Variants in CRYL1 observed in about 807,000 individuals in gnomAD.
CRYL1 encodes crystallin lambda 1, also known as lambda-crystallin homolog.
In CRYL1, 29 loss-of-function variants were observed where a neutral mutation model predicts 36.6. That is an observed-to-expected ratio of 0.79 (90% confidence interval 0.59 to 1.08). CRYL1 has a LOEUF of 1.08. CRYL1 is among the 50% of genes least tolerant of loss of function. The pLI is 0.00. For missense variants in CRYL1, 411 were observed against 407.9 expected (o/e 1.01, Z -0.06); for synonymous variants, 152 against 151.5 (o/e 1.00, Z -0.02).
At chr13:20,494,592 G>C (rs1337291697) in intron 2 of CRYL1, among the ~76,000 whole-genome samples, 3 of 152,196 alleles carry the variant, frequency 2.0e-5, no homozygotes, top group Non-Finnish European at 4.4e-5. Flanking sequence ...CAAAGCACCT[G>C]CTCCAAGCCT....
At chr13:20,442,771 T>C (rs2032375814) in intron 3 of CRYL1, among the ~76,000 whole-genome samples, 1 of 152,240 alleles carries the variant, frequency 6.6e-6, no homozygotes, top group Non-Finnish European at 1.5e-5. Flanking sequence ...GCACTGACTT[T>C]TGTTTGTTTG....
intron 4 of CRYL1, among the ~76,000 whole-genome samples, 174 bp downstream of exon 4, chr13:20,439,419 A>G (rs1395830522): frequency 6.6e-6 from 1 of 151,598 alleles, no homozygotes; most frequent in Non-Finnish European, 1.5e-5. Flanking sequence ...GAACTGCACA[A>G]TTTGAACTGG....
At chr13:20,456,061 C>T (rs1363499042) in intron 3 of CRYL1, among the ~76,000 whole-genome samples, 1 of 152,104 alleles carries the variant, frequency 6.6e-6, no homozygotes, top group African/African-American at 2.4e-5. Context: ...TTAGTATATA[C>T]CTTATATTTT....
chr13:20,457,743 A>C (rs979079642), intron 3 of CRYL1, among the ~76,000 whole-genome samples: 16 of 152,230 alleles, frequency 1.1e-4, no homozygotes, highest in Non-Finnish European at 2.1e-4. Flanking sequence ...AAGGACCAAA[A>C]GCTGTGGCCC....
chr13:20,446,863 G>C (rs1287085241), intron 3 of CRYL1, among the ~76,000 whole-genome samples: 1 of 152,188 alleles, frequency 6.6e-6, no homozygotes, highest in Non-Finnish European at 1.5e-5. Flanking sequence ...TAGTGCTTCA[G>C]AGACACTTCA....
At chr13:20,462,781 AAC>A (rs2032857126) in intron 3 of CRYL1, among the ~76,000 whole-genome samples, 1 of 151,784 alleles carries the variant, frequency 6.6e-6, no homozygotes, top group Non-Finnish European at 1.5e-5. Flanking sequence ...TACCTGCAGG[AAC>A]GGTACCATCC....
chr13:20,480,222 A>G (rs1026809074), intron 3 of CRYL1, among the ~76,000 whole-genome samples: 1 of 152,090 alleles, frequency 6.6e-6, no homozygotes, highest in Admixed American at 6.5e-5. Flanking sequence ...CTCTACTAAA[A>G]ATATAAAAAT....
rs550675275 is a variant in CRYL1 at position 20,481,869 on chromosome 13, C to T, written c.276+7501G>A. On this transcript the variant is annotated intron_variant, in intron 3 of 7. Transcript: ENST00000298248. This position sits in a 1 kb window ranked among gnomAD's most constrained non-coding sequence, Gnocchi z 4.1. ...GAGGTTGCAGTGAATCAAGATCGCA[C>T]CACTGCACTCCAGCCTGGGTGACAA... 3.3e-5 allele frequency among the ~76,000 whole-genome samples: 5 copies of T among 152,240 alleles called. No homozygotes were observed. The highest frequency in any genetic ancestry group is 1.2e-4 in the African/African-American group (5 of 41,540).
chr13:20,454,487 G>A lies in CRYL1; in HGVS notation c.277-14733C>T, dbSNP rs189611806. On this transcript the variant is annotated intron_variant, in intron 3 of 7. Transcript: ENST00000298248. ...GGCTGGAGTGCAGTGGTGCGATCTCGGCTCACTGCAAGCTCCGCCTCTGAA... is the reference window on the plus strand; with the variant it reads ...GGCTGGAGTGCAGTGGTGCGATCTCAGCTCACTGCAAGCTCCGCCTCTGAA... Among the ~76,000 whole-genome samples, 22 of 148,308 alleles carry A rather than the reference G, an allele frequency of 1.5e-4. No individual in the cohort carries two copies. In the East Asian group the frequency reaches 4.3e-3, roughly 29 times the overall value.
At chr13:20,498,366 T>C (rs2137486787) in intron 2 of CRYL1, among the ~76,000 whole-genome samples, 1 of 104,098 alleles carries the variant, frequency 9.6e-6, no homozygotes, top group African/African-American at 3.5e-5. Context: ...ACACACCACT[T>C]ACACACACTA....
At chr13:20,461,189 T>C (rs1448681974) in intron 3 of CRYL1, among the ~76,000 whole-genome samples, 4 of 152,246 alleles carry the variant, frequency 2.6e-5, no homozygotes, top group Admixed American at 2.6e-4. Flanking sequence ...GCATTTGTCT[T>C]TTTCTTACTG....
intron 3 of CRYL1, among the ~76,000 whole-genome samples, chr13:20,459,231 A>G (rs552281735): frequency 7.6e-5 from 8 of 105,308 alleles, no homozygotes; most frequent in African/African-American, 2.2e-4. Flanking sequence ...GCGAGACTCC[A>G]TCTCAAAAAA....
Position 20,425,094 on chromosome 13 carries a change from C to T in CRYL1, c.633+7008G>A, listed in dbSNP as rs1337592627. Among the ~76,000 whole-genome samples, 1 of 152,212 alleles carries T rather than the reference C, an allele frequency of 6.6e-6. No individual in the cohort carries two copies. Among genetic ancestry groups the T allele is most frequent in the Non-Finnish European group, 1.5e-5 (1 of 68,036 alleles). ...TATTTTACTCAAGCCTCAACATTTT[C>T]CCCCGGACACATTCCAGGTGCACCA... is the stretch of plus-strand genomic sequence containing the variant. On this transcript the variant is annotated intron_variant, in intron 5 of 7. Coordinates refer to ENST00000298248, the MANE Select transcript of CRYL1 (RefSeq NM_015974.3). The surrounding 1 kb of genome is among the most constrained non-coding windows in gnomAD (Gnocchi z 4.4).
Position 20,482,660 on chromosome 13 carries a change from C to T in CRYL1, c.276+6710G>A, listed in dbSNP as rs139320890. Among the ~76,000 whole-genome samples the T allele has an allele frequency of 1.4e-4, 21 of 152,350 alleles. No individual in the cohort carries two copies. The East Asian group carries it at 3.1e-3, about 22-fold the overall frequency. On this transcript the variant is annotated intron_variant, in intron 3 of 7. Transcript: ENST00000298248. The stretch of plus-strand genomic sequence containing the variant: ...AATCCACTGGGGAAAACCACACTCC[C>T]ATTACTGGGCTTCGCCCCCTGGGGC...
chr13:20,468,142 G>T (rs551300708), intron 3 of CRYL1, among the ~76,000 whole-genome samples: 2 of 152,124 alleles, frequency 1.3e-5, no homozygotes, highest in Non-Finnish European at 2.9e-5. Flanking sequence ...GTTGAGAACT[G>T]CCGCCTTAAC....
intron 1 of CRYL1, among the ~76,000 whole-genome samples, chr13:20,517,188 G>T (rs1331174538): frequency 1.3e-5 from 2 of 152,238 alleles, no homozygotes; most frequent in East Asian, 1.9e-4. Flanking sequence ...TTATATGGGT[G>T]TGCAAGCCTG....
At chr13:20,413,463 T>C (rs1226022182) in intron 5 of CRYL1, 76 bp from the exon 6 acceptor site, 1 of 902,556 alleles carries the variant, frequency 1.1e-6, no homozygotes, top group African/African-American at 1.6e-5. Flanking sequence ...CATCCTAACT[T>C]CTTTAGAGCA....
At position 20,413,403 on chromosome 13, in the gene CRYL1, G is replaced by C; in HGVS notation, c.634-16C>G. On this transcript the variant is annotated splice_polypyrimidine_tract_variant and intron_variant, in intron 5 of 7. Coordinates refer to ENST00000298248, the MANE Select transcript of CRYL1 (RefSeq NM_015974.3). ...CGATTCCTTCCTACGTGGAGAAATT[G>C]GGCGGCATAGATGAGTTTTGTAAAA... The C allele has an allele frequency of 6.5e-7, 1 of 1,536,726 alleles. No individual in the cohort carries two copies.
intron 3 of CRYL1, among the ~76,000 whole-genome samples, chr13:20,473,892 T>A (rs913924689): frequency 6.6e-6 from 1 of 152,116 alleles, no homozygotes; most frequent in African/African-American, 2.4e-5. Context: ...GTGAATCGGG[T>A]ATAAGTAACA....
Sources: allele counts gnomAD v4.1 joint callset (sites outside exome capture counted in the v4.1 genomes callset), GRCh38; gene constraint gnomAD v4.1.1; non-coding constraint Gnocchi (gnomAD v3.1); transcripts MANE v1.5; gene names NCBI Gene and HGNC (gene_info 2026-07-23, HGNC 2026-07-21).